The following B4GALNT3 variants were observed in gnomAD, a reference collection of about 807,000 sequenced individuals.
B4GALNT3 encodes beta-1,4-N-acetyl-galactosaminyltransferase 3.
Under a neutral mutation model 120.2 loss-of-function variants are expected in B4GALNT3, and 86 were observed. The observed-to-expected ratio is 0.72, with a 90% CI of 0.60 to 0.86. The LOEUF (loss-of-function observed/expected upper bound fraction) is 0.86. Among genes scored for constraint, B4GALNT3 ranks in the 40% least tolerant of loss-of-function variants. B4GALNT3 has a pLI of 0.00. For missense variants in B4GALNT3, 1,167 were observed against 1,298.9 expected (o/e 0.90, Z 1.56); for synonymous variants, 518 against 510.4 (o/e 1.01, Z -0.20).
intron 1 of B4GALNT3, among the ~76,000 whole-genome samples, chr12:489,306 T>C (rs1419780926): frequency 1.3e-5 from 2 of 148,416 alleles, no homozygotes; most frequent in African/African-American, 5.0e-5. Context: ...CTGCATGTTC[T>C]GCACATGTAT....
chr12:498,257 T>C (rs1946407238), intron 1 of B4GALNT3, among the ~76,000 whole-genome samples: 1 of 152,098 alleles, frequency 6.6e-6, no homozygotes, highest in African/African-American at 2.4e-5. Flanking sequence ...TTCCTGCCGC[T>C]GAGAGGTGAT....
chr12:559,528 A>G (rs1947200857), intron 19 of B4GALNT3, 107 bp downstream of exon 19: 2 of 1,481,826 alleles, frequency 1.3e-6, no homozygotes, highest in African/African-American at 1.4e-5. Context: ...GCAGAGTCCC[A>G]AAGCACAGTA....
chr12:523,054 C>T (rs902634882), intron 1 of B4GALNT3, among the ~76,000 whole-genome samples: 1 of 151,922 alleles, frequency 6.6e-6, no homozygotes, highest in Non-Finnish European at 1.5e-5. Flanking sequence ...AAAGCATTCC[C>T]TAAAGAAAGC....
chr12:561,445 G>A lies in B4GALNT3; in HGVS notation c.2991G>A (p.Thr997=), dbSNP rs191163323. 1.6e-3 allele frequency: 2,510 copies of A among 1,611,528 alleles called. 45 individuals are homozygous for A. In the Admixed American group the frequency reaches 0.03, roughly 19 times the overall value. The part of the protein sequence containing the change: ...RGMWSRRQMK[T]L ...TGTGGAGCCGTCGCCAGATGAAGAC[G>A]CTGTAGCCGGAGGGTGTCCGCGGGG... The change falls in exon 20 of 20, where the codon ACG becomes ACA. Residue 997 remains threonine (T), a synonymous_variant. Coordinates refer to ENST00000266383, the MANE Select transcript of B4GALNT3 (RefSeq NM_173593.4).
chr12:545,144 C>T, intron 5 of B4GALNT3, 172 bp downstream of exon 5: 1 of 1,443,906 alleles, frequency 6.9e-7, no homozygotes, highest in Non-Finnish European at 9.1e-7. Flanking sequence ...CCACAGGCTG[C>T]TGCTTTGCTC....
In B4GALNT3 at chr12:535,242, C is replaced by T; in HGVS notation, c.246C>T (p.Phe82=). The T allele has an allele frequency of 6.2e-7, 1 of 1,613,994 alleles. No homozygotes were observed. Among genetic ancestry groups the T allele is most frequent in the Non-Finnish European group, 8.5e-7 (1 of 1,179,992 alleles). ...NIPAVDPHLQ[F]YHPQRLSLED... ...CAGCTGTGGATCCACACCTCCAGTT[C>T]TACCATCCCCAGAGGCTGAGCCTCG... The change falls in exon 2 of 20, where the codon TTC becomes TTT. Residue 82 remains phenylalanine (F), a synonymous_variant. Transcript: ENST00000266383.
At chr12:510,771 G>C (rs1432917991) in intron 1 of B4GALNT3, among the ~76,000 whole-genome samples, 1 of 152,028 alleles carries the variant, frequency 6.6e-6, no homozygotes, top group African/African-American at 2.4e-5. Context: ...CCCAGATGTT[G>C]AAGTGGAAAG....
At chr12:523,407 T>A (rs976673281) in intron 1 of B4GALNT3, among the ~76,000 whole-genome samples, 3 of 152,220 alleles carry the variant, frequency 2.0e-5, no homozygotes, top group Non-Finnish European at 4.4e-5. Context: ...CTACTAACTT[T>A]AACTCATTTA....
In B4GALNT3 at chr12:550,617, A is replaced by AG. The variant is rs368778873; in HGVS notation, c.998-301dup. Reference sequence around the variant, plus strand: ...TCCAGTTATCGGTACTGTACGAGGGAGGGGACCTTCTGGCCTCTTAGAAGT... The same window carrying AG: ...TCCAGTTATCGGTACTGTACGAGGGAGGGGGACCTTCTGGCCTCTTAGAAGT... On this transcript the variant is annotated intron_variant, in intron 10 of 19. Coordinates refer to ENST00000266383, the MANE Select transcript of B4GALNT3 (RefSeq NM_173593.4). The surrounding 1 kb of genome is among the most constrained non-coding windows in gnomAD (Gnocchi z 4.1). Among the ~76,000 whole-genome samples, 4 of 152,306 alleles carry AG rather than the reference A, an allele frequency of 2.6e-5. No individual in the cohort carries two copies. Among genetic ancestry groups the AG allele is most frequent in the African/African-American group, 9.6e-5 (4 of 41,576 alleles).
At chr12:470,735 CTGTTTTGTTT>C (rs148909362) in intron 1 of B4GALNT3, among the ~76,000 whole-genome samples, 15 of 152,016 alleles carry the variant, frequency 9.9e-5, no homozygotes, top group Middle Eastern at 3.4e-3. Context: ...ATTTTAGTGA[CTGTTTTGTTT>C]TGTTTTGTTT....
intron 1 of B4GALNT3, among the ~76,000 whole-genome samples, chr12:513,005 A>ACCTTCCG (rs1224109156): frequency 1.0e-5 from 1 of 97,164 alleles, no homozygotes; most frequent in African/African-American, 4.2e-5. Context: ...TCCACCTTCC[A>ACCTTCCG]CCTTCCGCCT....
At chr12:544,830 G>A in intron 4 of B4GALNT3, 52 bp from the exon 5 acceptor site, 1 of 1,583,506 alleles carries the variant, frequency 6.3e-7, no homozygotes, top group South Asian at 1.1e-5. Flanking sequence ...CTGGCGGGAA[G>A]TTTCCTTTTC....
At chr12:464,562 G>T (rs776928403) in intron 1 of B4GALNT3, among the ~76,000 whole-genome samples, 2 of 151,994 alleles carry the variant, frequency 1.3e-5, no homozygotes, top group Non-Finnish European at 1.5e-5. Flanking sequence ...AACTCAGGAG[G>T]CAGAGGTTGC....
At chr12:474,986 T>C (rs947132172) in intron 1 of B4GALNT3, among the ~76,000 whole-genome samples, 3 of 138,360 alleles carry the variant, frequency 2.2e-5, no homozygotes, top group Non-Finnish European at 4.6e-5. Context: ...TGGTGGTGCA[T>C]GCCTGTGGTC....
At chr12:470,761 TG>T (rs1405162341) in intron 1 of B4GALNT3, among the ~76,000 whole-genome samples, 1 of 152,120 alleles carries the variant, frequency 6.6e-6, no homozygotes, top group African/African-American at 2.4e-5. Flanking sequence ...TGTTTTGAGA[TG>T]GAGTCTCGCT....
rs574375491 is a variant in B4GALNT3, at chr12:561,772, T to A, written c.*321T>A. On this transcript the variant is annotated 3_prime_UTR_variant, in exon 20 of 20. Coordinates refer to ENST00000266383, the MANE Select transcript of B4GALNT3 (RefSeq NM_173593.4). ...GACTGAGCGACACCATCCTCATCCA[T>A]GAAGGTGCACGCCCACATCCCCCAA... is the stretch of plus-strand genomic sequence containing the variant. 2 of 263,132 alleles carry A rather than the reference T, an allele frequency of 7.6e-6. No homozygotes were observed. The highest frequency in any genetic ancestry group is 5.3e-5 in the Admixed American group (1 of 18,846). The allele number at this position is 263,132 out of a possible 1,614,324, so 16.3% of individuals were successfully genotyped here.
At chr12:530,665 TCTC>T (rs2120649974) in intron 1 of B4GALNT3, among the ~76,000 whole-genome samples, 1 of 152,272 alleles carries the variant, frequency 6.6e-6, no homozygotes, top group Non-Finnish European at 1.5e-5. Flanking sequence ...TGTTTCTTCA[TCTC>T]TAAAATGGAG....
At chr12:473,458 GT>G in intron 1 of B4GALNT3, among the ~76,000 whole-genome samples, 1 of 152,294 alleles carries the variant, frequency 6.6e-6, no homozygotes, top group African/African-American at 2.4e-5. Context: ...AAGTGACAGA[GT>G]TTGGCAGTAG....
chr12:516,645 C>A (rs11063363), intron 1 of B4GALNT3, among the ~76,000 whole-genome samples: 39,060 of 152,110 alleles, frequency 0.26, 5,943 homozygotes, highest in East Asian at 0.42. Context: ...TAAACTGGGT[C>A]TTTCCCCAAT....
Sources: gnomAD v4.1 joint callset for allele counts (sites outside exome capture counted in the v4.1 genomes callset) on GRCh38, gnomAD v4.1.1 for gene constraint, Gnocchi (gnomAD v3.1) non-coding constraint, MANE v1.5 for transcripts, NCBI Gene and HGNC (gene_info 2026-07-23, HGNC 2026-07-21) for gene names.